Variants in CCDC9B observed in about 807,000 individuals in gnomAD.
CCDC9B encodes coiled-coil domain containing 9B, also known as coiled-coil domain-containing protein 9B.
A neutral mutation model predicts 47.2 loss-of-function variants in CCDC9B; 40 were observed. The observed-to-expected ratio is 0.85, with a 90% confidence interval of 0.66 to 1.10. The LOEUF is 1.10. Among genes scored for constraint, CCDC9B ranks in the 50% least tolerant of loss-of-function variants. The pLI is 0.00. For synonymous variants in CCDC9B, 238 were observed against 250.7 expected (o/e 0.95, Z 0.48); for missense variants, 662 against 651.0 (o/e 1.02, Z -0.18).
chr15:40,337,052 G>C (rs553248472), intron 7 of CCDC9B: 1 of 601,974 alleles, frequency 1.7e-6, no homozygotes, highest in South Asian at 2.0e-5. Flanking sequence ...AAAACAAGGG[G>C]ACCAGAACTC....
rs780655281 is a variant in CCDC9B at position 40,335,665 on chromosome 15, C to T, written c.966G>A (p.Glu322=). Residue 322 remains glutamate (E), a synonymous_variant, in exon 11 of 11, where the codon GAG becomes GAA. Transcript: ENST00000397536. ...TCCCGCTCTGCTTCTGGGCTTGCTC[C>T]TCCTCACTGGGAGTCTCTCTGGTGC... The part of the protein sequence containing the change: ...SQSTRETPSE[E]EQAQKQSGME... 1.3e-6 allele frequency: 2 copies of T among 1,543,650 alleles called. No homozygotes were observed. The highest frequency in any genetic ancestry group is 1.8e-6 in the Non-Finnish European group (2 of 1,141,798).
At position 40,338,875 on chromosome 15, in the gene CCDC9B, G is replaced by A. The variant is rs200432599; in HGVS notation, c.260C>T (p.Ala87Val). Residue 87 changes from alanine to valine, a missense_variant, in exon 4 of 11, where the codon GCA becomes GTA. Ala to Val is a moderately conservative substitution (Grantham distance 64, BLOSUM62 0). Coordinates refer to ENST00000397536, the MANE Select transcript of CCDC9B (RefSeq NM_207380.3). ...CACTCTGGGTCCACAGGTACCCCTTGCCCAGTTCCTGCTAACCACCCGCTT... is the reference window on the plus strand; with the variant it reads ...CACTCTGGGTCCACAGGTACCCCTTACCCAGTTCCTGCTAACCACCCGCTT... Reference protein sequence around the residue: ...GEKRVVSRNWARGTCGPRVTN... With the variant: ...GEKRVVSRNWVRGTCGPRVTN... 3.7e-6 allele frequency: 6 copies of A among 1,614,066 alleles called. No homozygotes were observed. In the African/African-American group the frequency reaches 5.3e-5, roughly 14 times the overall value.
In CCDC9B at chr15:40,336,824, C is replaced by G; in HGVS notation, c.743-11G>C. On this transcript the variant is annotated splice_polypyrimidine_tract_variant and intron_variant, in intron 7 of 10. Coordinates refer to ENST00000397536, the MANE Select transcript of CCDC9B (RefSeq NM_207380.3). ...GGTGGCTCCTGGGACCTGCGGGGGA[C>G]AAAAGAAGTGGGGAAAGGTGGGGTG... 1 of 1,588,874 alleles carries G rather than the reference C, an allele frequency of 6.3e-7. No homozygotes were observed. Among genetic ancestry groups the G allele is most frequent in the Non-Finnish European group, 8.5e-7 (1 of 1,172,656 alleles).
Position 40,335,545 on chromosome 15 carries a change from G to A in CCDC9B, c.1086C>T (p.Ser362=), listed in dbSNP as rs1342088941. The A allele has an allele frequency of 1.3e-6, 2 of 1,516,182 alleles. No individual in the cohort carries two copies. The highest frequency in any genetic ancestry group is 1.4e-5 in the African/African-American group (1 of 71,854). The allele number at this position is 1,516,182 out of a possible 1,614,324, so 93.9% of individuals were successfully genotyped here. A position where few individuals can be genotyped will look rare whatever the true frequency, so the allele number is the denominator to read the frequency against. ...PKGESVASTA[S]SVPCSPQEPD... ...GCTCCTGTGGAGAGCAGGGGACTGA[G>A]CTGGCTGTGGAAGCCACTGACTCCC... Residue 362 remains serine (S), a synonymous_variant, in exon 11 of 11, where the codon AGC becomes AGT. Transcript: ENST00000397536.
At chr15:40,337,242 A>C (rs1888981283) in intron 7 of CCDC9B, 146 bp downstream of exon 7, 1 of 799,324 alleles carries the variant, frequency 1.3e-6, no homozygotes, top group Non-Finnish European at 2.2e-6. Flanking sequence ...CCCTCCTCTG[A>C]TAGTGAGGGA....
Position 40,335,107 on chromosome 15 carries a change from G to A in CCDC9B, c.*51C>T, listed in dbSNP as rs1888926103. 2 of 1,458,392 alleles carry A rather than the reference G, an allele frequency of 1.4e-6. No homozygotes were observed. The highest frequency in any genetic ancestry group is 1.8e-6 in the Non-Finnish European group (2 of 1,099,062). The allele number at this position is 1,458,392 out of a possible 1,614,324, so 90.3% of individuals were successfully genotyped here. A position where few individuals can be genotyped will look rare whatever the true frequency, so the allele number is the denominator to read the frequency against. On this transcript the variant is annotated 3_prime_UTR_variant, in exon 11 of 11. Transcript: ENST00000397536. ...CATCACGCGGAGGGCCTTTAACAGA[G>A]TGATTCCCTTTTCCTCTCCCCGGGG...
chr15:40,339,490 T>G (rs376264347), intron 3 of CCDC9B, 22 bp downstream of exon 3: 11 of 1,612,524 alleles, frequency 6.8e-6, no homozygotes, highest in Non-Finnish European at 9.3e-6. Context: ...CTACGAGCCC[T>G]GTCTCCCAGG....
chr15:40,335,852 C>T (rs372556747), intron 9 of CCDC9B, 26 bp from the exon 10 acceptor site: 1 of 1,602,100 alleles, frequency 6.2e-7, no homozygotes, highest in Admixed American at 1.7e-5. Flanking sequence ...TCATGGCACG[C>T]CCCACCCCAC....
chr15:40,334,877 C>T lies in CCDC9B; in HGVS notation c.*281G>A. On this transcript the variant is annotated 3_prime_UTR_variant, in exon 11 of 11. Transcript: ENST00000397536. ...CTTGTGGCCTGGGCAGCAGTAGGCC[C>T]AGGTCAGGGTGCACCAGCCTCAGAT... 3.2e-6 allele frequency: 1 copy of T among 313,026 alleles called. No homozygotes were observed. Among genetic ancestry groups the T allele is most frequent in the Admixed American group, 5.0e-5 (1 of 19,920 alleles). The allele number at this position is 313,026 out of a possible 1,614,324, so 19.4% of individuals were successfully genotyped here.
chr15:40,340,088 AC>A, intron 1 of CCDC9B, 73 bp from the exon 2 acceptor site: 1 of 935,868 alleles, frequency 1.1e-6, no homozygotes, highest in Non-Finnish European at 1.7e-6. Flanking sequence ...TCACATTTTC[AC>A]CACCCAAGGA....
Position 40,334,579 on chromosome 15 carries a change from T to G in CCDC9B, c.*579A>C, listed in dbSNP as rs1888916246. The stretch of plus-strand genomic sequence containing the variant: ...TTCACCAAGAAGACGTGAGCTCTAC[T>G]CTTCTTTGCCCAGGCCAGACCCTGC... On this transcript the variant is annotated 3_prime_UTR_variant, in exon 11 of 11. Transcript: ENST00000397536. 6.6e-6 allele frequency: 1 copy of G among 152,284 alleles called. No individual in the cohort carries two copies. Among genetic ancestry groups the G allele is most frequent in the Admixed American group, 6.5e-5 (1 of 15,290 alleles). 9.4% of individuals were successfully genotyped at this position (152,284 alleles called of 1,614,324 possible). A position where few individuals can be genotyped will look rare whatever the true frequency, so the allele number is the denominator to read the frequency against.
intron 1 of CCDC9B, chr15:40,340,399 G>T (rs545518899): frequency 3.1e-6 from 1 of 326,962 alleles, no homozygotes; most frequent in Admixed American, 4.6e-5. Context: ...GAGGTCGAGG[G>T]GGGAGCTGTT....
Position 40,338,571 on chromosome 15 carries a change from G to T in CCDC9B, c.477C>A (p.Pro159=), listed in dbSNP as rs781148736. 8.1e-6 allele frequency: 13 copies of T among 1,613,860 alleles called. No individual in the cohort carries two copies. Among genetic ancestry groups the T allele is most frequent in the Admixed American group, 3.3e-5 (2 of 59,996 alleles). Residue 159 remains proline (P), a synonymous_variant, in exon 5 of 11, where the codon CCC becomes CCA. Coordinates refer to ENST00000397536, the MANE Select transcript of CCDC9B (RefSeq NM_207380.3). ...AATCTGAGCTGATGGCCACCTGCGT[G>T]GGGGGGCTTCGGGTCACACGCCCTC... ...SPGGRVTRSP[P]TQVAISSDSA...
At chr15:40,339,855 A>G (rs2141249496) in intron 2 of CCDC9B, 50 bp downstream of exon 2, 1 of 1,478,924 alleles carries the variant, frequency 6.8e-7, no homozygotes, top group Non-Finnish European at 9.4e-7. Context: ...TGTGGGGCAC[A>G]GGGAGCGGCA....
Position 40,335,095 on chromosome 15 carries a change from G to A in CCDC9B, c.*63C>T, listed in dbSNP as rs2141245560. The A allele has an allele frequency of 7.1e-7, 1 of 1,415,992 alleles. No homozygotes were observed. Among genetic ancestry groups the A allele is most frequent in the South Asian group, 1.5e-5 (1 of 68,638 alleles). The allele number at this position is 1,415,992 out of a possible 1,614,324, so 87.7% of individuals were successfully genotyped here. ...CAACCACATGGCCATCACGCGGAGG[G>A]CCTTTAACAGAGTGATTCCCTTTTC... On this transcript the variant is annotated 3_prime_UTR_variant, in exon 11 of 11. Coordinates refer to ENST00000397536, the MANE Select transcript of CCDC9B (RefSeq NM_207380.3).
Position 40,337,748 on chromosome 15 carries a change from C to T in CCDC9B, c.659G>A (p.Trp220Ter). ...RDAQGDWRRPWDLDKAKSTLQ... is the reference protein window; with the variant it reads ...RDAQGDWRRP ...CGTGGACTTGGCCTTGTCCAGGTCC[C>T]ACGGGCGGCGCCAGTCACCCTGTGC... The change falls in exon 6 of 11, where the codon TGG (tryptophan) becomes TAG (stop). Residue 220 changes from tryptophan to a stop codon, truncating the protein, a stop_gained. Coordinates refer to ENST00000397536, the MANE Select transcript of CCDC9B (RefSeq NM_207380.3). LOFTEE classifies it high-confidence loss of function. 7 of 1,605,546 alleles carry T rather than the reference C, an allele frequency of 4.4e-6. No homozygotes were observed. Among genetic ancestry groups the T allele is most frequent in the Non-Finnish European group, 5.9e-6 (7 of 1,178,238 alleles).
chr15:40,340,908 C>T lies in CCDC9B; in HGVS notation c.-89G>A. The stretch of plus-strand genomic sequence containing the variant: ...TGGAGCCACCGGAGCCGGGCCTCTG[C>T]CGGCCTCTCCCTGCCGGCTTCGCTG... On this transcript the variant is annotated 5_prime_UTR_variant, in exon 1 of 11. Transcript: ENST00000397536. 1 of 1,608,400 alleles carries T rather than the reference C, an allele frequency of 6.2e-7. No homozygotes were observed. The highest frequency in any genetic ancestry group is 1.1e-5 in the South Asian group (1 of 90,200).
rs775428896 is a variant in CCDC9B at position 40,335,615 on chromosome 15, G to C, written c.1016C>G (p.Ala339Gly). ...SGMEQGRLGSAPAASPALASP... is the reference protein window; with the variant it reads ...SGMEQGRLGSGPAASPALASP... ...TGCCAGGGCTGGGCTGGCTGCAGGG[G>C]CGCTCCCCAGTCGGCCCTGCTCCAT... The change falls in exon 11 of 11, where the codon GCC (alanine) becomes GGC (glycine). Residue 339 changes from alanine (A) to glycine (G), a missense_variant. By Grantham distance (60) the Ala-to-Gly change is moderately conservative. Coordinates refer to ENST00000397536, the MANE Select transcript of CCDC9B (RefSeq NM_207380.3). 101 of 1,500,140 alleles carry C rather than the reference G, an allele frequency of 6.7e-5. No homozygotes were observed. Among genetic ancestry groups the C allele is most frequent in the Non-Finnish European group, 7.8e-5 (87 of 1,120,192 alleles). 92.9% of individuals were successfully genotyped at this position (1,500,140 alleles called of 1,614,324 possible).
intron 1 of CCDC9B, 77 bp downstream of exon 1, chr15:40,340,731 C>T (rs1889073703): frequency 2.1e-6 from 3 of 1,437,238 alleles, no homozygotes; most frequent in African/African-American, 2.9e-5. Flanking sequence ...CCAGCTGCCC[C>T]CAGAGGGTGG....
Sources: gnomAD v4.1 joint callset for allele counts on GRCh38, gnomAD v4.1.1 for gene constraint, MANE v1.5 for transcripts, NCBI Gene and HGNC (gene_info 2026-07-23, HGNC 2026-07-21) for gene names.